Variants in CCDC7 observed in about 807,000 individuals in gnomAD.
The protein encoded by CCDC7 is coiled-coil domain-containing protein 7.
CCDC7 carries 183 observed loss-of-function variants against 196.9 expected under a neutral mutation model. The observed-to-expected ratio is 0.93, with a 90% CI of 0.82 to 1.05. The LOEUF (loss-of-function observed/expected upper bound fraction) is 1.05, where lower values mean the gene tolerates loss of function less well. Among genes scored for constraint, CCDC7 ranks in the 50% least tolerant of loss-of-function variants. CCDC7 has a pLI of 0.00. For synonymous variants in CCDC7, 525 were observed against 484.6 expected, an observed-to-expected ratio of 1.08 and a Z score of -1.10; for missense variants, 1,540 against 1,482.2, an observed-to-expected ratio of 1.04 and a Z score of -0.64.
At chr10:32,832,785 G>T (rs376519182) in intron 32 of CCDC7, among the ~76,000 whole-genome samples, 1 of 151,840 alleles carries the variant, frequency 6.6e-6, no homozygotes, top group Non-Finnish European at 1.5e-5. Context: ...TGCATATTTT[G>T]TTCTTTTCTT....
chr10:32,657,110 C>T (rs1246872342), intron 20 of CCDC7, among the ~76,000 whole-genome samples: 3 of 152,248 alleles, frequency 2.0e-5, no homozygotes, highest in African/African-American at 7.2e-5. Flanking sequence ...ACCCTTGTGG[C>T]TTTGTGGGGT....
chr10:32,694,895 A>G, exon 24 of CCDC7: 1 of 1,595,388 alleles, frequency 6.3e-7, no homozygotes, highest in Non-Finnish European at 8.5e-7. Context: ...ATGAAGAACC[A>G]GGCAAAAATC....
chr10:32,518,264 C>CG, intron 10 of CCDC7, 152 bp from the exon 12 acceptor site: 3 of 743,826 alleles, frequency 4.0e-6, no homozygotes, highest in South Asian at 4.8e-5. Context: ...CCTTTCAGCT[C>CG]CAATTATTGT....
At chr10:32,640,059 T>A (rs771486788) in intron 20 of CCDC7, among the ~76,000 whole-genome samples, 2 of 152,194 alleles carry the variant, frequency 1.3e-5, no homozygotes, top group South Asian at 2.1e-4. Flanking sequence ...TATTAGGTCT[T>A]CTTGGTGCAG....
chr10:32,658,937 G>T (rs986641124), intron 20 of CCDC7, among the ~76,000 whole-genome samples: 15 of 151,528 alleles, frequency 9.9e-5, no homozygotes, highest in African/African-American at 3.6e-4. Context: ...TTTCTTTTTT[G>T]TATAGCTAAA....
chr10:32,827,874 G>A (rs1273152535), intron 32 of CCDC7, among the ~76,000 whole-genome samples: 2 of 152,128 alleles, frequency 1.3e-5, no homozygotes, highest in South Asian at 4.1e-4. Context: ...TATCTATAGA[G>A]AATCTCCATT....
At chr10:32,504,721 C>T (rs541366435) in intron 9 of CCDC7, among the ~76,000 whole-genome samples, 1 of 152,160 alleles carries the variant, frequency 6.6e-6, no homozygotes, top group South Asian at 2.1e-4. Flanking sequence ...TCCAGTTTTT[C>T]TCCTGTCATT....
At chr10:32,769,638 C>T (rs1485604311) in intron 28 of CCDC7, among the ~76,000 whole-genome samples, 6 of 151,984 alleles carry the variant, frequency 3.9e-5, no homozygotes, top group African/African-American at 1.2e-4. Context: ...CCAAGCCCCC[C>T]ACCCCTCAAC....
chr10:32,743,591 A>C (rs1381901253), intron 28 of CCDC7, among the ~76,000 whole-genome samples: 1 of 152,178 alleles, frequency 6.6e-6, no homozygotes, highest in Non-Finnish European at 1.5e-5. Context: ...TGATTCCTCA[A>C]GGATCTAGAA....
intron 20 of CCDC7, among the ~76,000 whole-genome samples, chr10:32,635,933 C>T (rs1236858023): frequency 6.6e-6 from 1 of 152,002 alleles, no homozygotes; most frequent in African/African-American, 2.4e-5. Flanking sequence ...ATTTTATCTG[C>T]CTGGTAAGTT....
intron 9 of CCDC7, chr10:32,513,706 C>G (rs1253731910): frequency 6.6e-6 from 1 of 152,114 alleles, no homozygotes; most frequent in Non-Finnish European, 1.5e-5. Flanking sequence ...ATGCAGGTAT[C>G]AATTTACATA....
chr10:32,778,953 T>C (rs1469443704), intron 28 of CCDC7, 24 bp from the exon 30 acceptor site: 3 of 1,515,968 alleles, frequency 2.0e-6, no homozygotes, highest in African/African-American at 2.8e-5. Flanking sequence ...AATCAACTAC[T>C]TTGACAATCT....
At chr10:32,853,396 G>T (rs752854912) in intron 40 of CCDC7, among the ~76,000 whole-genome samples, 1 of 152,058 alleles carries the variant, frequency 6.6e-6, no homozygotes, top group African/African-American at 2.4e-5. Flanking sequence ...TTTGGCCTTT[G>T]AATCTAAAAA....
At chr10:32,706,651 C>G (rs1591836339) in intron 24 of CCDC7, among the ~76,000 whole-genome samples, 1 of 150,632 alleles carries the variant, frequency 6.6e-6, no homozygotes, top group African/African-American at 2.4e-5. Flanking sequence ...ACCCATTATC[C>G]CACAGAAATA....
At chr10:32,826,477 G>C (rs1372297245) in intron 32 of CCDC7, among the ~76,000 whole-genome samples, 1 of 152,198 alleles carries the variant, frequency 6.6e-6, no homozygotes, top group Non-Finnish European at 1.5e-5. Flanking sequence ...TCTAGCCATA[G>C]AGTGGGGCAT....
intron 2 of CCDC7, among the ~76,000 whole-genome samples, chr10:32,454,858 G>T (rs55771516): frequency 0.076 from 11,520 of 152,084 alleles, 533 homozygotes; most frequent in East Asian, 0.16. Flanking sequence ...CCAATATTCT[G>T]TCTCCAAAAA....
chr10:32,592,541 A>G (rs2990967), intron 18 of CCDC7, among the ~76,000 whole-genome samples: 149,847 of 152,242 alleles, frequency 0.98, 73,784 homozygotes, highest in Middle Eastern at 1. Context: ...GTTTTCATTT[A>G]TCTCAAGATA....
At chr10:32,845,108 C>A in intron 33 of CCDC7, 135 bp from the exon 35 acceptor site, 1 of 497,196 alleles carries the variant, frequency 2.0e-6, no homozygotes, top group Non-Finnish European at 3.5e-6. Flanking sequence ...CCTTTAATGA[C>A]AATAGTACCA....
intron 32 of CCDC7, among the ~76,000 whole-genome samples, chr10:32,832,214 G>A (rs2092253773): frequency 1.3e-5 from 2 of 152,028 alleles, no homozygotes; most frequent in African/African-American, 4.8e-5. Flanking sequence ...AAACTATGGA[G>A]GCCAAGGCCA....
Sources: gnomAD v4.1 joint callset for allele counts (sites outside exome capture counted in the v4.1 genomes callset) on GRCh38, gnomAD v4.1.1 for gene constraint, MANE v1.5 for transcripts, NCBI Gene and HGNC (gene_info 2026-07-23, HGNC 2026-07-21) for gene names.